Variants in DCDC1 observed in about 807,000 individuals in gnomAD.
The protein encoded by DCDC1 is doublecortin domain-containing protein 1.
Under a neutral mutation model 178.3 loss-of-function variants are expected in DCDC1, and 200 were observed. The observed-to-expected ratio is 1.12, with a 90% CI of 1.00 to 1.26. DCDC1 has a LOEUF of 1.26. Among genes scored for constraint, DCDC1 ranks in the 50% most tolerant of loss-of-function variants. The pLI, the probability that DCDC1 is intolerant of heterozygous loss-of-function variation, is 0.00. For synonymous variants in DCDC1, 690 were observed against 604.8 expected (o/e 1.14, Z -2.07); for missense variants, 1,983 against 1,749.2 (o/e 1.13, Z -2.38).
At chr11:31,295,598 C>A (rs917644366) in intron 6 of DCDC1, among the ~76,000 whole-genome samples, 47 of 152,144 alleles carry the variant, frequency 3.1e-4, no homozygotes, top group Non-Finnish European at 6.0e-4. Context: ...AGTCCCCTTG[C>A]CTCAAAGGGG....
At chr11:30,971,918 C>A (rs905803886) in intron 20 of DCDC1, among the ~76,000 whole-genome samples, 1 of 151,986 alleles carries the variant, frequency 6.6e-6, no homozygotes, top group Non-Finnish European at 1.5e-5. Flanking sequence ...CAAAAACAGG[C>A]TTTTTGAAAT....
intron 20 of DCDC1, among the ~76,000 whole-genome samples, chr11:31,043,796 G>T (rs1222258838): frequency 4.7e-5 from 7 of 148,612 alleles, no homozygotes; most frequent in East Asian, 2.0e-4. Context: ...GATTTGTTTT[G>T]TGTGTGTGTG....
At chr11:31,275,030 A>T (rs931912663) in intron 7 of DCDC1, among the ~76,000 whole-genome samples, 1 of 152,020 alleles carries the variant, frequency 6.6e-6, no homozygotes, top group African/African-American at 2.4e-5. Flanking sequence ...CCACCACTAG[A>T]CTAAAAGTTC....
chr11:31,017,195 A>C (rs1952533965), intron 20 of DCDC1, among the ~76,000 whole-genome samples: 2 of 152,178 alleles, frequency 1.3e-5, no homozygotes, highest in Admixed American at 6.5e-5. Context: ...CTTAAACAAC[A>C]CAAATTTGAG....
In DCDC1 at chr11:31,051,561, A is replaced by C. The variant is rs1955250043; in HGVS notation, c.2591+12908T>G. Among the ~76,000 whole-genome samples, 2 of 152,362 alleles carry C rather than the reference A, an allele frequency of 1.3e-5. 1 individual carries two copies. The highest frequency in any genetic ancestry group is 4.1e-4 in the South Asian group (2 of 4,832). On this transcript the variant is annotated intron_variant, in intron 20 of 38. Coordinates refer to ENST00000684477, the MANE Select transcript of DCDC1 (RefSeq NM_001387274.1). ...AGTTAAGATGAAGGAAAGAATCTTAAGAGCTGTGAGGCAGAAGCACCAGGT... is the reference window on the plus strand; with the variant it reads ...AGTTAAGATGAAGGAAAGAATCTTACGAGCTGTGAGGCAGAAGCACCAGGT...
chr11:31,041,809 T>C (rs1441688887), intron 20 of DCDC1, among the ~76,000 whole-genome samples: 7 of 152,188 alleles, frequency 4.6e-5, no homozygotes, highest in Non-Finnish European at 1.0e-4. Context: ...TTCATCTTAC[T>C]GCCTCTAGAT....
intron 20 of DCDC1, among the ~76,000 whole-genome samples, chr11:31,038,456 T>C (rs1351334410): frequency 5.3e-5 from 8 of 152,194 alleles, no homozygotes; most frequent in Non-Finnish European, 1.2e-4. Context: ...TAGTAATTTC[T>C]GCCAAATCTT....
intron 9 of DCDC1, among the ~76,000 whole-genome samples, chr11:31,169,418 C>T (rs1966935374): frequency 6.6e-6 from 1 of 152,038 alleles, no homozygotes; most frequent in Admixed American, 6.6e-5. Flanking sequence ...GATATAGATT[C>T]AGATTAGTTT....
chr11:30,873,335 GTGTATATACA>G (rs1454570379), intron 38 of DCDC1, among the ~76,000 whole-genome samples: 2 of 131,254 alleles, frequency 1.5e-5, no homozygotes, highest in East Asian at 4.2e-4. Flanking sequence ...AAAAATGTGT[GTGTATATACA>G]TATATATATA....
rs11407483 is a variant in DCDC1 at position 31,310,308 on chromosome 11, A to ATTTTTTT, written c.165-2407_165-2401dup. ...GAGGACAGGTTTTCAGTAATTCTTG[A>ATTTTTTT]TTTTTTTTTTTTTTTTTTTTTTTTT... On this transcript the variant is annotated intron_variant, in intron 3 of 38. Transcript: ENST00000684477. 3.3e-3 allele frequency among the ~76,000 whole-genome samples: 177 copies of ATTTTTTT among 53,878 alleles called. 18 individuals are homozygous for ATTTTTTT. Among genetic ancestry groups the ATTTTTTT allele is most frequent in the African/African-American group, 8.4e-3 (98 of 11,718 alleles). 35.3% of individuals were successfully genotyped at this position (53,878 alleles called of 152,430 possible).
At chr11:30,895,963 T>C (rs1395627609) in intron 34 of DCDC1, among the ~76,000 whole-genome samples, 4 of 152,210 alleles carry the variant, frequency 2.6e-5, no homozygotes, top group Non-Finnish European at 4.4e-5. Context: ...CAATAGTTTA[T>C]CATTTATACT....
chr11:30,897,964 T>G (rs1944364906), intron 34 of DCDC1, among the ~76,000 whole-genome samples: 1 of 152,008 alleles, frequency 6.6e-6, no homozygotes, highest in African/African-American at 2.4e-5. Context: ...ACAAGTAACC[T>G]TAAAAACACA....
At chr11:31,274,202 T>A (rs968939540) in intron 7 of DCDC1, among the ~76,000 whole-genome samples, 2 of 152,212 alleles carry the variant, frequency 1.3e-5, no homozygotes, top group Non-Finnish European at 2.9e-5. Context: ...GCCTTCTTTC[T>A]GCCCCTCTCT....
At chr11:31,287,555 TC>T (rs1364895958) in intron 7 of DCDC1, among the ~76,000 whole-genome samples, 3 of 151,984 alleles carry the variant, frequency 2.0e-5, no homozygotes, top group Admixed American at 6.6e-5. Flanking sequence ...AAGAGATGGT[TC>T]TAAATGTTTT....
chr11:31,245,920 G>T (rs1265761524), intron 8 of DCDC1, among the ~76,000 whole-genome samples: 1 of 151,818 alleles, frequency 6.6e-6, no homozygotes, highest in Non-Finnish European at 1.5e-5. Context: ...ACTTACTTGG[G>T]ATACATAATG....
chr11:31,272,745 C>T (rs915057349), intron 7 of DCDC1, among the ~76,000 whole-genome samples: 9 of 152,252 alleles, frequency 5.9e-5, no homozygotes, highest in South Asian at 2.1e-4. Flanking sequence ...GGCAGTTCTA[C>T]TCCTGCGGCT....
At chr11:31,207,229 T>A (rs2136485029) in intron 9 of DCDC1, among the ~76,000 whole-genome samples, 1 of 152,252 alleles carries the variant, frequency 6.6e-6, no homozygotes, top group South Asian at 2.1e-4. Flanking sequence ...CTGTGGCTAG[T>A]ACACAATAAG....
chr11:31,192,446 C>T (rs1970238373), intron 9 of DCDC1, among the ~76,000 whole-genome samples: 1 of 152,066 alleles, frequency 6.6e-6, no homozygotes, highest in Admixed American at 6.6e-5. Context: ...TTAGAAGTCC[C>T]CATATGCACC....
intron 17 of DCDC1, among the ~76,000 whole-genome samples, chr11:31,090,621 C>G (rs1201986611): frequency 1.3e-5 from 2 of 152,136 alleles, no homozygotes; most frequent in Non-Finnish European, 2.9e-5. Context: ...AGATCACATT[C>G]TTAATCATTA....
Sources: allele counts gnomAD v4.1 joint callset (sites outside exome capture counted in the v4.1 genomes callset), GRCh38; gene constraint gnomAD v4.1.1; transcripts MANE v1.5; gene names NCBI Gene and HGNC (gene_info 2026-07-23, HGNC 2026-07-21).